ZNF460: variants seen among roughly 807,000 people sequenced by gnomAD.
ZNF460 encodes zinc finger protein 272.
In ZNF460, 1 loss-of-function variant was observed where a neutral mutation model predicts 8.4. That is an observed-to-expected ratio of 0.12 (90% CI 0.04 to 0.56). ZNF460 has a LOEUF of 0.56. ZNF460 is among the 20% of genes least tolerant of loss of function. The pLI, the probability that ZNF460 is intolerant of heterozygous loss-of-function variation, is 0.91. For synonymous variants in ZNF460, 262 were observed against 259.9 expected (o/e 1.01, Z -0.08); for missense variants, 477 against 714.8 (o/e 0.67, Z 3.79).
At position 57,292,231 on chromosome 19, in the gene ZNF460, C is replaced by G; in HGVS notation, c.*1C>G. 1 of 1,606,664 alleles carries G rather than the reference C, an allele frequency of 6.2e-7. No homozygotes were observed. The highest frequency in any genetic ancestry group is 8.5e-7 in the Non-Finnish European group (1 of 1,174,550). ...AGTGGAAGAAACCCTACCATTGTAA[C>G]AGATGTGGAAAGACTTTTTACGTAC... On this transcript the variant is annotated 3_prime_UTR_variant, in exon 3 of 3. Transcript: ENST00000360338.
At position 57,293,156 on chromosome 19, in the gene ZNF460, T is replaced by C. The variant is rs3746227; in HGVS notation, c.*926T>C. 63,581 of 152,018 alleles carry C rather than the reference T, an allele frequency of 0.42. 13,763 individuals are homozygous for C. The highest frequency in any genetic ancestry group is 0.47 in the Non-Finnish European group (31,755 of 67,946). 9.4% of individuals were successfully genotyped at this position (152,018 alleles called of 1,614,324 possible). On this transcript the variant is annotated 3_prime_UTR_variant, in exon 3 of 3. Transcript: ENST00000360338. ...CCCTCTGATTGTGGTTTCTCAGCTT[T>C]TTTACTGCTCTTTAGAGAGAGTAAA...
rs76229989 is a variant in ZNF460 at position 57,292,186 on chromosome 19, C to G, written c.1645C>G (p.Leu549Val). The G allele has an allele frequency of 6.2e-7, 1 of 1,614,100 alleles. No homozygotes were observed. Among genetic ancestry groups the G allele is most frequent in the East Asian group, 2.2e-5 (1 of 44,874 alleles). Residue 549 changes from leucine (L) to valine (V), a missense_variant, in exon 3 of 3, where the codon CTC becomes GTC. Physicochemically the swap from Leu to Val is conservative, Grantham distance 32 (BLOSUM62 1). Coordinates refer to ENST00000360338, the MANE Select transcript of ZNF460 (RefSeq NM_006635.4). ...TPSIAAHSSS[L>V]DINGFIVEET... ...TTCAATTGCCGCTCATTCCTCCTCA[C>G]TCGACATCAACGGATTCATAGTGGA...
At chr19:57,290,278 C>G (rs1422223344) in intron 2 of ZNF460, among the ~76,000 whole-genome samples, 1 of 152,148 alleles carries the variant, frequency 6.6e-6, no homozygotes, top group Non-Finnish European at 1.5e-5. Flanking sequence ...GCATGAGCCA[C>G]CATGCCTGGC....
At chr19:57,285,396 C>T (rs1037768364) in intron 2 of ZNF460, among the ~76,000 whole-genome samples, 1 of 152,178 alleles carries the variant, frequency 6.6e-6, no homozygotes. Context: ...ACGAAGTGAC[C>T]GTCTAGTCTT....
Position 57,293,393 on chromosome 19 carries a change from A to G in ZNF460, c.*1163A>G, listed in dbSNP as rs1035672793. On this transcript the variant is annotated 3_prime_UTR_variant, in exon 3 of 3. Transcript: ENST00000360338. Reference sequence around the variant, plus strand: ...TTAACAGGTGAACCTGCATATGTATATGCAGGTAGTTGTCACCATGGATTG... The same window carrying G: ...TTAACAGGTGAACCTGCATATGTATGTGCAGGTAGTTGTCACCATGGATTG... 2 of 152,232 alleles carry G rather than the reference A, an allele frequency of 1.3e-5. No homozygotes were observed. Among genetic ancestry groups the G allele is most frequent in the Admixed American group, 1.3e-4 (2 of 15,278 alleles). 9.4% of individuals were successfully genotyped at this position (152,232 alleles called of 1,614,324 possible).
chr19:57,285,224 G>A (rs1243947838), intron 2 of ZNF460, among the ~76,000 whole-genome samples: 2 of 152,160 alleles, frequency 1.3e-5, no homozygotes. Flanking sequence ...AGAGGGATGT[G>A]TTACCAGGAA....
chr19:57,292,307 A>G lies in ZNF460; in HGVS notation c.*77A>G. 1 of 1,429,478 alleles carries G rather than the reference A, an allele frequency of 7.0e-7. No homozygotes were observed. Among genetic ancestry groups the G allele is most frequent in the Non-Finnish European group, 9.4e-7 (1 of 1,058,294 alleles). 88.5% of individuals were successfully genotyped at this position (1,429,478 alleles called of 1,614,324 possible). A position where few individuals can be genotyped will look rare whatever the true frequency, so the allele number is the denominator to read the frequency against. ...TATTAGCGAAATAGTTTTTTAATAT[A>G]ACCACTGAAGAAAATCTGTGGTGAG... On this transcript the variant is annotated 3_prime_UTR_variant, in exon 3 of 3. Coordinates refer to ENST00000360338, the MANE Select transcript of ZNF460 (RefSeq NM_006635.4).
Position 57,291,325 on chromosome 19 carries a change from A to C in ZNF460, c.784A>C (p.Asn262His), listed in dbSNP as rs545172016. ...GTGCAGTGAATGTGGAAGGACCTTC[A>C]ATCGCGGGTCGCACCTTACACGGCA... Reference protein sequence around the residue: ...FVCSECGRTFNRGSHLTRHQR... With the variant: ...FVCSECGRTFHRGSHLTRHQR... Residue 262 changes from asparagine (N) to histidine (H), a missense_variant, in exon 3 of 3, where the codon AAT (asparagine) becomes CAT (histidine). Physicochemically the swap from Asn to His is moderately conservative, Grantham distance 68 (BLOSUM62 1). Coordinates refer to ENST00000360338, the MANE Select transcript of ZNF460 (RefSeq NM_006635.4). The surrounding 1 kb of genome is among the most constrained non-coding windows in gnomAD (Gnocchi z 8.4). 1 of 1,614,004 alleles carries C rather than the reference A, an allele frequency of 6.2e-7. No homozygotes were observed. Among genetic ancestry groups the C allele is most frequent in the African/African-American group, 1.3e-5 (1 of 74,958 alleles).
chr19:57,280,987 A>G, intron 1 of ZNF460, 151 bp downstream of exon 1: 2 of 1,177,910 alleles, frequency 1.7e-6, no homozygotes, highest in Non-Finnish European at 2.4e-6. Context: ...CTTTATCCGC[A>G]GTCCTGCAAC....
rs1429270946 is a variant in ZNF460, at chr19:57,291,887, T to C, written c.1346T>C (p.Val449Ala). Reference protein sequence around the residue: ...QWIHTGEKPYVCIQCGKAFCR... With the variant: ...QWIHTGEKPYACIQCGKAFCR... Reference sequence around the variant, plus strand: ...ATTCATACTGGAGAGAAGCCGTATGTATGCATCCAATGTGGGAAAGCCTTT... The same window carrying C: ...ATTCATACTGGAGAGAAGCCGTATGCATGCATCCAATGTGGGAAAGCCTTT... The change falls in exon 3 of 3, where the codon GTA (valine) becomes GCA (alanine). Residue 449 changes from valine (V) to alanine (A), a missense_variant. By Grantham distance (64) the Val-to-Ala change is moderately conservative. Coordinates refer to ENST00000360338, the MANE Select transcript of ZNF460 (RefSeq NM_006635.4). This position sits in a 1 kb window ranked among gnomAD's most constrained non-coding sequence, Gnocchi z 8.4. 6.2e-7 allele frequency: 1 copy of C among 1,613,608 alleles called. No individual in the cohort carries two copies. The highest frequency in any genetic ancestry group is 1.3e-5 in the African/African-American group (1 of 74,742).
Position 57,291,197 on chromosome 19 carries a change from C to G in ZNF460, c.656C>G (p.Thr219Ser). 1.9e-6 allele frequency: 3 copies of G among 1,614,222 alleles called. No homozygotes were observed. The highest frequency in any genetic ancestry group is 2.5e-6 in the Non-Finnish European group (3 of 1,180,046). The change falls in exon 3 of 3, where the codon ACT becomes AGT. Residue 219 changes from threonine to serine, a missense_variant. Around this residue, in one of 5 missense-constraint regions of ZNF460, gnomAD observed 193 missense variants for 391.7 expected, o/e 0.49. Coordinates refer to ENST00000360338, the MANE Select transcript of ZNF460 (RefSeq NM_006635.4). This position sits in a 1 kb window ranked among gnomAD's most constrained non-coding sequence, Gnocchi z 8.4. ...KHLLQHHIIH[T>S]GEKPYKCLEC... ...CTCCTTCAGCATCACATCATCCATACTGGGGAGAAGCCCTATAAATGCCTG... is the reference window on the plus strand; with the variant it reads ...CTCCTTCAGCATCACATCATCCATAGTGGGGAGAAGCCCTATAAATGCCTG...
In ZNF460 at chr19:57,292,344, T is replaced by TA; in HGVS notation, c.*115dup. The TA allele has an allele frequency of 9.2e-7, 1 of 1,092,686 alleles. No individual in the cohort carries two copies. Among genetic ancestry groups the TA allele is most frequent in the Non-Finnish European group, 1.3e-6 (1 of 761,184 alleles). The allele number at this position is 1,092,686 out of a possible 1,614,324, so 67.7% of individuals were successfully genotyped here. A position where few individuals can be genotyped will look rare whatever the true frequency, so the allele number is the denominator to read the frequency against. On this transcript the variant is annotated 3_prime_UTR_variant, in exon 3 of 3. Transcript: ENST00000360338. ...AAATCTGTGGTGAGAGGAAACATCT[T>TA]ACCATCTGGTCATTCATACTGAAGA...
chr19:57,292,218 C>A lies in ZNF460; in HGVS notation c.1677C>A (p.Thr559=), dbSNP rs779941803. ...TCAACGGATTCATAGTGGAAGAAAC[C>A]CTACCATTGTAACAGATGTGGAAAG... ...LDINGFIVEE[T]LPL Residue 559 remains threonine, a synonymous_variant, in exon 3 of 3, where the codon ACC becomes ACA. Coordinates refer to ENST00000360338, the MANE Select transcript of ZNF460 (RefSeq NM_006635.4). 3 of 1,610,274 alleles carry A rather than the reference C, an allele frequency of 1.9e-6. No homozygotes were observed. The South Asian group carries it at 3.3e-5, about 18-fold the overall frequency.
intron 1 of ZNF460, 148 bp downstream of exon 1, chr19:57,280,984 CGCAGTCCT>C (rs773290766): frequency 6.1e-5 from 72 of 1,188,314 alleles, no homozygotes; most frequent in Admixed American, 2.1e-4. Flanking sequence ...TTCCTTTATC[CGCAGTCCT>C]GCAACAGTGT....
In ZNF460 at chr19:57,294,013, T is replaced by C. The variant is rs528351037; in HGVS notation, c.*1783T>C. The C allele has an allele frequency of 6.6e-6, 1 of 152,192 alleles. No homozygotes were observed. Among genetic ancestry groups the C allele is most frequent in the Non-Finnish European group, 1.5e-5 (1 of 68,032 alleles). The allele number at this position is 152,192 out of a possible 1,614,324, so 9.4% of individuals were successfully genotyped here. ...TCTGATAATGGACACTTAGACTGAT[T>C]TCTTAGCTATTATGAATAGTGCTTC... is the stretch of plus-strand genomic sequence containing the variant. On this transcript the variant is annotated 3_prime_UTR_variant, in exon 3 of 3. Coordinates refer to ENST00000360338, the MANE Select transcript of ZNF460 (RefSeq NM_006635.4).
intron 1 of ZNF460, among the ~76,000 whole-genome samples, chr19:57,283,154 T>C (rs2087852543): frequency 6.6e-6 from 1 of 151,768 alleles, no homozygotes; most frequent in South Asian, 2.1e-4. Flanking sequence ...TGTTTTTTTT[T>C]TTTTTTACAA....
chr19:57,280,861 G>C, intron 1 of ZNF460, 25 bp downstream of exon 1: 1 of 1,613,842 alleles, frequency 6.2e-7, no homozygotes, highest in Non-Finnish European at 8.5e-7. Flanking sequence ...TTTCGGCCTT[G>C]CTGCTGCTGT....
chr19:57,284,367 G>C (rs2087864231), intron 1 of ZNF460, among the ~76,000 whole-genome samples, 184 bp from the exon 2 acceptor site: 1 of 151,882 alleles, frequency 6.6e-6, no homozygotes, highest in African/African-American at 2.4e-5. Flanking sequence ...CCTCTTCACT[G>C]CTGTAATCCA....
At position 57,280,562 on chromosome 19, in the gene ZNF460, C is replaced by A; in HGVS notation, c.-245C>A. 1 of 584,326 alleles carries A rather than the reference C, an allele frequency of 1.7e-6. No individual in the cohort carries two copies. The highest frequency in any genetic ancestry group is 2.0e-5 in the South Asian group (1 of 49,862). The allele number at this position is 584,326 out of a possible 1,614,324, so 36.2% of individuals were successfully genotyped here. A position where few individuals can be genotyped will look rare whatever the true frequency, so the allele number is the denominator to read the frequency against. On this transcript the variant is annotated 5_prime_UTR_variant, in exon 1 of 3. Transcript: ENST00000360338. The stretch of plus-strand genomic sequence containing the variant: ...GGGACGGGTAGTGAAGCGGTTACGC[C>A]CCTTCTTCGCGTCTTGGCGGGAGCC...
Sources: allele counts gnomAD v4.1 joint callset (sites outside exome capture counted in the v4.1 genomes callset), GRCh38; gene constraint gnomAD v4.1.1; regional missense constraint gnomAD v4.1.1; non-coding constraint Gnocchi (gnomAD v3.1); transcripts MANE v1.5; gene names NCBI Gene and HGNC (gene_info 2026-07-23, HGNC 2026-07-21).